PDE6A: variants seen among roughly 807,000 people sequenced by gnomAD.
PDE6A encodes phosphodiesterase 6A.
PDE6A carries 84 observed loss-of-function variants against 106.3 expected under a neutral mutation model. The observed-to-expected ratio is 0.79, with a 90% CI of 0.66 to 0.95. PDE6A has a LOEUF of 0.95. PDE6A is among the 40% of genes least tolerant of loss of function. The probability of loss-of-function intolerance (pLI) is 0.00; values close to 1 mark genes in which losing one functional copy is unlikely to be tolerated. For missense variants in PDE6A, 1,052 were observed against 1,084.9 expected (o/e 0.97, Z 0.43); for synonymous variants, 394 against 386.6 (o/e 1.02, Z -0.23).
At chr5:149,878,469 T>C (rs1233312880) in intron 17 of PDE6A, among the ~76,000 whole-genome samples, 1 of 152,228 alleles carries the variant, frequency 6.6e-6, no homozygotes, top group Non-Finnish European at 1.5e-5. Context: ...CAGACAATGC[T>C]GCAACAAACA....
intron 14 of PDE6A, among the ~76,000 whole-genome samples, chr5:149,885,165 G>A (rs113608546): frequency 7.2e-5 from 11 of 152,300 alleles, no homozygotes; most frequent in South Asian, 4.1e-4. Flanking sequence ...TCCGCAAGCC[G>A]TGTATTTATT....
intron 3 of PDE6A, chr5:149,932,006 C>T (rs1581210086): frequency 3.4e-6 from 5 of 1,488,982 alleles, no homozygotes; most frequent in Non-Finnish European, 4.7e-6. Flanking sequence ...GCTGATGTTA[C>T]CTCTAGCGGC....
chr5:149,936,725 C>G (rs890689870), intron 1 of PDE6A, among the ~76,000 whole-genome samples: 1 of 152,166 alleles, frequency 6.6e-6, no homozygotes. Flanking sequence ...CTCAGATTAT[C>G]AAAGGCAGAA....
chr5:149,912,606 G>T (rs1310613837), intron 6 of PDE6A, among the ~76,000 whole-genome samples: 4 of 152,092 alleles, frequency 2.6e-5, no homozygotes, highest in Non-Finnish European at 5.9e-5. Flanking sequence ...ATCTTGCAAG[G>T]TTCAAAATGG....
At chr5:149,936,500 A>AT (rs1464390638) in intron 1 of PDE6A, among the ~76,000 whole-genome samples, 3 of 152,104 alleles carry the variant, frequency 2.0e-5, no homozygotes, top group Non-Finnish European at 4.4e-5. Flanking sequence ...CAGTTTCCCA[A>AT]TGTTCACTTC....
At position 149,863,397 on chromosome 5, in the gene PDE6A, C is replaced by A; in HGVS notation, c.2359-131G>T. The A allele has an allele frequency of 1.1e-6, 1 of 877,882 alleles. No individual in the cohort carries two copies. 54.4% of individuals were successfully genotyped at this position (877,882 alleles called of 1,614,324 possible). A position where few individuals can be genotyped will look rare whatever the true frequency, so the allele number is the denominator to read the frequency against. On this transcript the variant is annotated intron_variant, in intron 20 of 21. Coordinates refer to ENST00000255266, the MANE Select transcript of PDE6A (RefSeq NM_000440.3). The surrounding 1 kb of genome is among the most constrained non-coding windows in gnomAD (Gnocchi z 4.7). ...GAGTAGCAGGCCTCCCGCCACCGTG[C>A]TGATACTGCAGGGCCTCCGGTCTAC...
intron 15 of PDE6A, 26 bp downstream of exon 15, chr5:149,884,754 C>G (rs760977961): frequency 1.2e-6 from 2 of 1,601,062 alleles, no homozygotes; most frequent in East Asian, 4.5e-5. Context: ...GCCCCGCGGC[C>G]TGTAGACCCT....
At chr5:149,871,678 G>A (rs1283897930) in intron 17 of PDE6A, among the ~76,000 whole-genome samples, 9 of 152,148 alleles carry the variant, frequency 5.9e-5, no homozygotes, top group African/African-American at 9.7e-5. Flanking sequence ...GAGCCCAGGC[G>A]CCGCTGCGAG....
chr5:149,915,720 G>C (rs1468533558), intron 5 of PDE6A, among the ~76,000 whole-genome samples: 1 of 152,208 alleles, frequency 6.6e-6, no homozygotes, highest in Admixed American at 6.5e-5. Context: ...CCAAATAAAA[G>C]AGAGTTGAGA....
Position 149,907,344 on chromosome 5 carries a change from C to T in PDE6A, c.1033G>A (p.Gly345Ser), listed in dbSNP as rs769449516. ...PPPDHWALVS[G>S]LPAYVAQNGL... ...TTCTGGGCAACATAAGCTGGGAGACCGCTTACTAAAGCCCAATGGTCAGGA... is the reference window on the plus strand; with the variant it reads ...TTCTGGGCAACATAAGCTGGGAGACTGCTTACTAAAGCCCAATGGTCAGGA... Residue 345 changes from glycine to serine, a missense_variant, in exon 7 of 22, where the codon GGT becomes AGT. Around this residue, in one of 3 missense-constraint regions of PDE6A, gnomAD observed 913 missense variants for 915.2 expected, o/e 1.00. Coordinates refer to ENST00000255266, the MANE Select transcript of PDE6A (RefSeq NM_000440.3). The T allele has an allele frequency of 2.0e-5, 33 of 1,613,848 alleles. No individual in the cohort carries two copies. Among genetic ancestry groups the T allele is most frequent in the Admixed American group, 1.2e-4 (7 of 60,000 alleles).
chr5:149,880,570 G>A (rs1397947648), intron 17 of PDE6A, among the ~76,000 whole-genome samples: 3 of 151,594 alleles, frequency 2.0e-5, no homozygotes, highest in Non-Finnish European at 2.9e-5. Context: ...AAAATTAGCC[G>A]GGCATGGTGT....
At chr5:149,921,836 A>G (rs1235725310) in intron 4 of PDE6A, 127 bp from the exon 5 acceptor site, 2 of 775,724 alleles carry the variant, frequency 2.6e-6, no homozygotes, top group South Asian at 3.0e-5. Context: ...AGTGAAACCT[A>G]AACTTGGAAA....
chr5:149,929,606 CAAAA>C (rs1554092080), intron 4 of PDE6A, among the ~76,000 whole-genome samples: 5 of 71,446 alleles, frequency 7.0e-5, no homozygotes, highest in African/African-American at 2.1e-4. Context: ...GACTCCGTCT[CAAAA>C]AATAAATAAA....
intron 21 of PDE6A, among the ~76,000 whole-genome samples, chr5:149,861,196 G>A (rs938826406): frequency 3.3e-5 from 5 of 152,190 alleles, no homozygotes; most frequent in African/African-American, 9.7e-5. Context: ...ACCAGTACTC[G>A]GCACCAATGT....
In PDE6A at chr5:149,944,681, A is replaced by G; in HGVS notation, c.-8T>C. 6.3e-7 allele frequency: 1 copy of G among 1,597,316 alleles called. No homozygotes were observed. The highest frequency in any genetic ancestry group is 8.5e-7 in the Non-Finnish European group (1 of 1,171,800). On this transcript the variant is annotated 5_prime_UTR_variant, in exon 1 of 22. Transcript: ENST00000255266. The stretch of plus-strand genomic sequence containing the variant: ...TGCTGTCACCTCGCCCATGGCTGGG[A>G]ATCCCACTGGCTACTCTGTAGAAGG...
chr5:149,931,555 T>G (rs1012161025), intron 3 of PDE6A, among the ~76,000 whole-genome samples: 9 of 152,216 alleles, frequency 5.9e-5, no homozygotes, highest in African/African-American at 2.2e-4. Flanking sequence ...TACAAGTACC[T>G]AATGAAGAAG....
intron 17 of PDE6A, among the ~76,000 whole-genome samples, chr5:149,882,976 T>A (rs972970773): frequency 1.3e-5 from 2 of 152,128 alleles, no homozygotes; most frequent in African/African-American, 2.4e-5. Flanking sequence ...GAGAATTGCT[T>A]GAACCTGGGA....
At chr5:149,921,846 A>T (rs1753731786) in intron 4 of PDE6A, 137 bp from the exon 5 acceptor site, 2 of 740,398 alleles carry the variant, frequency 2.7e-6, no homozygotes, top group African/African-American at 1.8e-5. Flanking sequence ...AAACTTGGAA[A>T]GGCAGTAAGA....
intron 4 of PDE6A, among the ~76,000 whole-genome samples, chr5:149,925,779 A>G (rs1753849725): frequency 6.6e-6 from 1 of 152,120 alleles, no homozygotes; most frequent in African/African-American, 2.4e-5. Flanking sequence ...AAAGCACAAA[A>G]AACGAAATGA....
Sources: gnomAD v4.1 joint callset for allele counts (sites outside exome capture counted in the v4.1 genomes callset) on GRCh38, gnomAD v4.1.1 for gene constraint, gnomAD v4.1.1 regional missense constraint, Gnocchi (gnomAD v3.1) non-coding constraint, MANE v1.5 for transcripts, NCBI Gene and HGNC (gene_info 2026-07-23, HGNC 2026-07-21) for gene names.